Variants in CDH13 observed in about 807,000 individuals in gnomAD.
CDH13 encodes the protein cadherin 13, also known as cadherin-13.
Under a neutral mutation model 63.8 loss-of-function variants are expected in CDH13, and 24 were observed. The ratio of observed to expected loss-of-function variants is 0.38; its 90% CI spans 0.27 to 0.53. The LOEUF is 0.53. CDH13 is among the 20% of genes least tolerant of loss of function. CDH13 has a pLI of 0.85. For synonymous variants in CDH13, 503 were observed against 355.3 expected, an observed-to-expected ratio of 1.42 and a Z score of -4.67; for missense variants, 1,049 against 903.1, an observed-to-expected ratio of 1.16 and a Z score of -2.07.
intron 4 of CDH13, among the ~76,000 whole-genome samples, chr16:83,138,137 G>A (rs1381901425): frequency 1.3e-5 from 2 of 152,098 alleles, no homozygotes; most frequent in Non-Finnish European, 2.9e-5. Context: ...TGTTGCATCG[G>A]GTGGTTTGGG....
chr16:83,524,193 C>T (rs1189424657), intron 7 of CDH13, among the ~76,000 whole-genome samples: 5 of 152,036 alleles, frequency 3.3e-5, no homozygotes, highest in African/African-American at 2.4e-5. Context: ...AGAGAATTTG[C>T]AGTTAAGAGA....
chr16:82,726,001 G>A (rs1238430175), intron 1 of CDH13, among the ~76,000 whole-genome samples: 1 of 152,112 alleles, frequency 6.6e-6, no homozygotes, highest in Non-Finnish European at 1.5e-5. Flanking sequence ...GGGTGGCCGT[G>A]CCATTCAAGC....
intron 8 of CDH13, among the ~76,000 whole-genome samples, chr16:83,604,021 C>T (rs1458051875): frequency 6.6e-6 from 1 of 152,030 alleles, no homozygotes; most frequent in Non-Finnish European, 1.5e-5. Flanking sequence ...GGGTGCTAAA[C>T]TATTAGAAAG....
intron 7 of CDH13, among the ~76,000 whole-genome samples, chr16:83,513,367 T>A (rs1312878585): frequency 1.3e-5 from 2 of 152,092 alleles, no homozygotes; most frequent in Non-Finnish European, 2.9e-5. Flanking sequence ...ATCCCTTAGA[T>A]CAATGGTGAT....
chr16:83,069,297 T>C (rs189437415), intron 3 of CDH13, among the ~76,000 whole-genome samples: 84 of 152,314 alleles, frequency 5.5e-4, no homozygotes, highest in African/African-American at 1.9e-3. Flanking sequence ...AGTGGAACTG[T>C]GGCACTCTTT....
At chr16:82,855,444 T>C (rs1022593957) in intron 1 of CDH13, among the ~76,000 whole-genome samples, 1 of 152,198 alleles carries the variant, frequency 6.6e-6, no homozygotes, top group African/African-American at 2.4e-5. Context: ...AATTAGCCAA[T>C]TGGAAGGTTA....
At chr16:83,442,281 C>T (rs985948689) in intron 6 of CDH13, among the ~76,000 whole-genome samples, 1 of 152,172 alleles carries the variant, frequency 6.6e-6, no homozygotes, top group African/African-American at 2.4e-5. Flanking sequence ...TTCAGGATCC[C>T]ATCAGCCTTG....
Position 83,795,093 on chromosome 16 carries a change from A to G in CDH13, c.*63A>G. 1 of 1,448,150 alleles carries G rather than the reference A, an allele frequency of 6.9e-7. No individual in the cohort carries two copies. Among genetic ancestry groups the G allele is most frequent in the Non-Finnish European group, 9.4e-7 (1 of 1,062,044 alleles). The allele number at this position is 1,448,150 out of a possible 1,614,324, so 89.7% of individuals were successfully genotyped here. A position where few individuals can be genotyped will look rare whatever the true frequency, so the allele number is the denominator to read the frequency against. ...ATAGCAACAGGAAAAAAAAAAATCT[A>G]TCCAAATCTGAAGATTGCGGTTTAC... On this transcript the variant is annotated 3_prime_UTR_variant, in exon 14 of 14. Transcript: ENST00000567109.
chr16:83,386,220 C>G (rs1311853199), intron 6 of CDH13, among the ~76,000 whole-genome samples: 3 of 152,118 alleles, frequency 2.0e-5, no homozygotes, highest in African/African-American at 7.2e-5. Context: ...ATTAACCAGC[C>G]CAGAGCCACA....
At chr16:82,763,997 G>A (rs954076634) in intron 1 of CDH13, among the ~76,000 whole-genome samples, 4 of 152,178 alleles carry the variant, frequency 2.6e-5, no homozygotes, top group Non-Finnish European at 2.9e-5. Flanking sequence ...AAAGGAAAGG[G>A]GTAGAGTGAC....
At chr16:83,432,521 C>A (rs1220934647) in intron 6 of CDH13, among the ~76,000 whole-genome samples, 1 of 152,152 alleles carries the variant, frequency 6.6e-6, no homozygotes, top group Non-Finnish European at 1.5e-5. Context: ...AGGATCCCCT[C>A]CTCTCCTCAC....
intron 1 of CDH13, among the ~76,000 whole-genome samples, chr16:82,749,000 G>GA (rs1344210749): frequency 6.6e-6 from 1 of 152,156 alleles, no homozygotes; most frequent in Non-Finnish European, 1.5e-5. Flanking sequence ...TTCTTTGGGG[G>GA]AAATTAATTT....
intron 6 of CDH13, chr16:83,397,944 C>T (rs1204475683): frequency 6.6e-6 from 1 of 152,266 alleles, no homozygotes; most frequent in East Asian, 1.9e-4. Flanking sequence ...AGACGCTAGT[C>T]TTGCCCCAGA....
At chr16:83,731,889 A>G in intron 10 of CDH13, among the ~76,000 whole-genome samples, 1 of 152,370 alleles carries the variant, frequency 6.6e-6, no homozygotes, top group Middle Eastern at 3.4e-3. Flanking sequence ...TGGAAGATTT[A>G]AATGCTGCAT....
At chr16:83,572,707 A>C (rs958209504) in intron 7 of CDH13, among the ~76,000 whole-genome samples, 1 of 152,250 alleles carries the variant, frequency 6.6e-6, no homozygotes. Context: ...CATGTATAAT[A>C]GCCAAACATG....
In CDH13 at chr16:83,267,607, C is replaced by T. The variant is rs1389515673; in HGVS notation, c.636+50110C>T. The stretch of plus-strand genomic sequence containing the variant: ...TATCTCAGGAGAGTGTTTGTTACCG[C>T]GGGAGTGGGCTCCCGGTAAAAGGAT... On this transcript the variant is annotated intron_variant, in intron 5 of 13. Coordinates refer to ENST00000567109, the MANE Select transcript of CDH13 (RefSeq NM_001257.5). Among the ~76,000 whole-genome samples the T allele has an allele frequency of 3.9e-5, 6 of 152,070 alleles. No homozygotes were observed. The South Asian group carries it at 8.3e-4, about 21-fold the overall frequency.
intron 1 of CDH13, among the ~76,000 whole-genome samples, chr16:82,772,949 G>A (rs141556719): frequency 0.011 from 1,619 of 152,206 alleles, 30 homozygotes; most frequent in African/African-American, 0.037. Flanking sequence ...CTAATTTTAC[G>A]TGATTATAGG....
At chr16:83,694,290 G>T (rs571593997) in intron 10 of CDH13, among the ~76,000 whole-genome samples, 2 of 152,222 alleles carry the variant, frequency 1.3e-5, no homozygotes, top group Non-Finnish European at 2.9e-5. Context: ...AGAGCATCCA[G>T]TTTGCTGGAG....
In CDH13 at chr16:83,060,104, T is replaced by C. The variant is rs527616316; in HGVS notation, c.366+27886T>C. ...CCACCGCACCCGGCCTACTTTTACGTCTCATAACCCAAAAGCTCTATGGCT... is the reference window on the plus strand; with the variant it reads ...CCACCGCACCCGGCCTACTTTTACGCCTCATAACCCAAAAGCTCTATGGCT... On this transcript the variant is annotated intron_variant, in intron 3 of 13. Coordinates refer to ENST00000567109, the MANE Select transcript of CDH13 (RefSeq NM_001257.5). 5.9e-5 allele frequency among the ~76,000 whole-genome samples: 9 copies of C among 152,196 alleles called. No homozygotes were observed. The East Asian group carries it at 1.7e-3, about 29-fold the overall frequency.
Sources: allele counts gnomAD v4.1 joint callset (sites outside exome capture counted in the v4.1 genomes callset), GRCh38; gene constraint gnomAD v4.1.1; transcripts MANE v1.5; gene names NCBI Gene and HGNC (gene_info 2026-07-23, HGNC 2026-07-21).